Variants in ZFYVE28 observed in about 807,000 individuals in gnomAD.
The protein encoded by ZFYVE28 is lateral signaling target protein 2 homolog.
In ZFYVE28, 40 loss-of-function variants were observed where a neutral mutation model predicts 82.1. The ratio of observed to expected loss-of-function variants is 0.49; its 90% CI spans 0.38 to 0.63. The LOEUF is 0.63. Among genes scored for constraint, ZFYVE28 ranks in the 30% least tolerant of loss-of-function variants. ZFYVE28 has a pLI of 0.00. For synonymous variants in ZFYVE28, 612 were observed against 546.1 expected (o/e 1.12, Z -1.68); for missense variants, 1,321 against 1,242.1 (o/e 1.06, Z -0.96).
intron 1 of ZFYVE28, among the ~76,000 whole-genome samples, chr4:2,377,098 T>C (rs1728231369): frequency 6.6e-6 from 1 of 151,766 alleles, no homozygotes; most frequent in African/African-American, 2.4e-5. Flanking sequence ...CTTGGCTCAC[T>C]GCAAGCTCCA....
At chr4:2,380,154 C>A (rs183087599) in intron 1 of ZFYVE28, among the ~76,000 whole-genome samples, 1 of 152,300 alleles carries the variant, frequency 6.6e-6, no homozygotes, top group East Asian at 1.9e-4. Flanking sequence ...CATCTTGGTA[C>A]ACCATCATTT....
At chr4:2,393,169 C>G (rs889307454) in intron 1 of ZFYVE28, among the ~76,000 whole-genome samples, 2 of 152,220 alleles carry the variant, frequency 1.3e-5, no homozygotes, top group African/African-American at 4.8e-5. Context: ...CTCCTCGGCC[C>G]GTGGAATGCA....
At chr4:2,366,527 G>A (rs546726439) in intron 1 of ZFYVE28, among the ~76,000 whole-genome samples, 5 of 152,362 alleles carry the variant, frequency 3.3e-5, no homozygotes, top group East Asian at 1.9e-4. Context: ...CAGCCAGCTC[G>A]GAGGGGCAGG....
intron 8 of ZFYVE28, among the ~76,000 whole-genome samples, chr4:2,294,907 G>A (rs1269340699): frequency 6.6e-6 from 1 of 152,024 alleles, no homozygotes; most frequent in African/African-American, 2.4e-5. Context: ...CTTGAGCCCA[G>A]GAGTTCAAGG....
chr4:2,330,643 T>G, intron 6 of ZFYVE28: 4 of 1,376,890 alleles, frequency 2.9e-6, no homozygotes, highest in East Asian at 2.8e-5. Context: ...GAGGGGACAG[T>G]GTAGTGGAGG....
intron 8 of ZFYVE28, among the ~76,000 whole-genome samples, chr4:2,275,451 G>T (rs1736331911): frequency 6.6e-6 from 1 of 152,220 alleles, no homozygotes; most frequent in Non-Finnish European, 1.5e-5. Flanking sequence ...CTGCTATCAA[G>T]TTTTAAATTT....
intron 1 of ZFYVE28, among the ~76,000 whole-genome samples, chr4:2,360,784 A>G (rs1010421110): frequency 1.3e-5 from 2 of 152,222 alleles, no homozygotes; most frequent in African/African-American, 4.8e-5. Flanking sequence ...CAACCTACTC[A>G]TCACTTAGTG....
chr4:2,275,175 G>A (rs1418428796), intron 8 of ZFYVE28, among the ~76,000 whole-genome samples: 1 of 152,134 alleles, frequency 6.6e-6, no homozygotes, highest in Non-Finnish European at 1.5e-5. Flanking sequence ...TGGAGGCTGA[G>A]GGACCCTCCG....
intron 1 of ZFYVE28, among the ~76,000 whole-genome samples, chr4:2,366,820 CT>C (rs1191038053): frequency 1.3e-5 from 2 of 152,226 alleles, no homozygotes; most frequent in Admixed American, 1.3e-4. Context: ...GAGGCATCCC[CT>C]ATCATGCAAA....
intron 8 of ZFYVE28, among the ~76,000 whole-genome samples, chr4:2,294,196 G>T (rs765733225): frequency 6.6e-6 from 1 of 151,698 alleles, no homozygotes; most frequent in Non-Finnish European, 1.5e-5. Context: ...TTCCAACTAA[G>T]GCTTATTATA....
chr4:2,304,325 GA>G lies in ZFYVE28; in HGVS notation c.2014del (p.Ser672ArgfsTer78), dbSNP rs1716153948. 1.2e-6 allele frequency: 2 copies of G among 1,601,408 alleles called. No individual in the cohort carries two copies. The highest frequency in any genetic ancestry group is 8.5e-7 in the Non-Finnish European group (1 of 1,177,924). ...EARELHAGSP[S>X]AHEAPQALSG... ...CAGGGCCTGAGGCGCCTCGTGAGCC[GA>G]GGGGCTCCCAGCATGCAGCTCTCTG... On this transcript the variant is annotated frameshift_variant, in exon 8 of 13. Coordinates refer to ENST00000290974, the MANE Select transcript of ZFYVE28 (RefSeq NM_020972.3). LOFTEE classifies it high-confidence loss of function.
intron 1 of ZFYVE28, among the ~76,000 whole-genome samples, chr4:2,365,077 C>G (rs1726706253): frequency 6.7e-6 from 1 of 149,870 alleles, no homozygotes; most frequent in Non-Finnish European, 1.5e-5. Flanking sequence ...AGCAGTGGAG[C>G]TGGGCCACCC....
At chr4:2,354,351 C>A (rs1263817835) in intron 1 of ZFYVE28, among the ~76,000 whole-genome samples, 1 of 152,106 alleles carries the variant, frequency 6.6e-6, no homozygotes, top group South Asian at 2.1e-4. Flanking sequence ...GCACCCCAGA[C>A]ACAAGGTCCT....
intron 9 of ZFYVE28, 38 bp from the exon 10 acceptor site, chr4:2,273,327 C>T (rs200819673): frequency 2.4e-5 from 38 of 1,577,116 alleles, no homozygotes; most frequent in South Asian, 2.1e-4. Flanking sequence ...GACAGAAGGA[C>T]GGATGGAAGG....
chr4:2,401,901 A>G (rs1442980266), intron 1 of ZFYVE28, among the ~76,000 whole-genome samples: 1 of 152,170 alleles, frequency 6.6e-6, no homozygotes, highest in African/African-American at 2.4e-5. Context: ...CCTTTCAAAC[A>G]AAACCAGTTC....
Position 2,278,258 on chromosome 4 carries a change from C to T in ZFYVE28, c.2052-4042G>A, listed in dbSNP as rs545277611. On this transcript the variant is annotated intron_variant, in intron 8 of 12. Transcript: ENST00000290974. ...TTTTTTGAGATGGTGTCTCACATGG[C>T]TTACCGCAGCTTTGACTTCCCTGGG... 2.1e-5 allele frequency among the ~76,000 whole-genome samples: 3 copies of T among 143,180 alleles called. No homozygotes were observed. In the Admixed American group the frequency reaches 2.2e-4, roughly 10 times the overall value. The allele number at this position is 143,180 out of a possible 152,430, so 93.9% of individuals were successfully genotyped here. A position where few individuals can be genotyped will look rare whatever the true frequency, so the allele number is the denominator to read the frequency against.
chr4:2,275,362 A>T (rs1454867110), intron 8 of ZFYVE28, among the ~76,000 whole-genome samples: 1 of 152,114 alleles, frequency 6.6e-6, no homozygotes, highest in Non-Finnish European at 1.5e-5. Context: ...AAACTAATTT[A>T]TCTCCTATCT....
chr4:2,271,900 T>C, intron 10 of ZFYVE28, 121 bp from the exon 11 acceptor site: 3 of 864,300 alleles, frequency 3.5e-6, no homozygotes, highest in East Asian at 2.6e-5. Context: ...CCAAGCCCAC[T>C]GGCAGTCTCA....
chr4:2,350,378 G>A (rs1724214528), intron 2 of ZFYVE28, among the ~76,000 whole-genome samples: 1 of 152,038 alleles, frequency 6.6e-6, no homozygotes, highest in Non-Finnish European at 1.5e-5. Flanking sequence ...GCAGGAGAAT[G>A]GTGTGAACCT....
Sources: allele counts gnomAD v4.1 joint callset (sites outside exome capture counted in the v4.1 genomes callset), GRCh38; gene constraint gnomAD v4.1.1; transcripts MANE v1.5; gene names NCBI Gene and HGNC (gene_info 2026-07-23, HGNC 2026-07-21).